The following RBFOX1 variants were observed in gnomAD, a reference collection of about 807,000 sequenced individuals.
RBFOX1 encodes RNA binding fox-1 homolog 1, also known as RNA binding protein fox-1 homolog 1.
Under a neutral mutation model 57.7 loss-of-function variants are expected in RBFOX1, and 8 were observed. That is an observed-to-expected ratio of 0.14 (90% CI 0.08 to 0.25). RBFOX1 has a LOEUF of 0.25. RBFOX1 is among the 10% of genes least tolerant of loss of function. RBFOX1 has a pLI of 1.00. For missense variants in RBFOX1, 611 were observed against 548.5 expected (o/e 1.11, Z -1.14); for synonymous variants, 326 against 222.4 (o/e 1.47, Z -4.15).
intron 1 of RBFOX1, among the ~76,000 whole-genome samples, chr16:6,078,606 C>G (rs2095948173): frequency 6.6e-6 from 1 of 152,310 alleles, no homozygotes; most frequent in East Asian, 1.9e-4. Context: ...TCATTGGCTT[C>G]TCCTTTAGAT....
intron 4 of RBFOX1, among the ~76,000 whole-genome samples, chr16:5,992,308 G>C (rs895598513): frequency 6.6e-6 from 1 of 152,178 alleles, no homozygotes; most frequent in Non-Finnish European, 1.5e-5. Context: ...GGGAAAAAAA[G>C]GTTAACATTG....
At chr16:6,380,541 G>A (rs969882115) in intron 2 of RBFOX1, among the ~76,000 whole-genome samples, 2 of 150,612 alleles carry the variant, frequency 1.3e-5, no homozygotes, top group Admixed American at 1.3e-4. Context: ...TTGAAGTTCT[G>A]GGGGGAAAAT....
chr16:6,888,136 A>G (rs1473926376), intron 3 of RBFOX1, among the ~76,000 whole-genome samples: 1 of 152,150 alleles, frequency 6.6e-6, no homozygotes, highest in Non-Finnish European at 1.5e-5. Flanking sequence ...GACAGGTTTT[A>G]TTTAGGATTT....
At chr16:6,483,120 C>A (rs935350048) in intron 2 of RBFOX1, 2 of 1,037,218 alleles carry the variant, frequency 1.9e-6, no homozygotes, top group African/African-American at 3.4e-5. Context: ...CCCCAGTATC[C>A]ACTGCCTTCC....
At chr16:5,907,178 G>A (rs2058479680) in intron 4 of RBFOX1, among the ~76,000 whole-genome samples, 1 of 152,124 alleles carries the variant, frequency 6.6e-6, no homozygotes, top group African/African-American at 2.4e-5. Flanking sequence ...GACCTGCTGT[G>A]GCTTCAGGGC....
intron 3 of RBFOX1, among the ~76,000 whole-genome samples, chr16:6,768,155 A>G (rs927844172): frequency 6.6e-6 from 1 of 151,498 alleles, no homozygotes; most frequent in Non-Finnish European, 1.5e-5. Flanking sequence ...AGAGATTGTA[A>G]CACTGCACTT....
chr16:6,011,497 T>G (rs367950640), intron 4 of RBFOX1, among the ~76,000 whole-genome samples: 2 of 152,202 alleles, frequency 1.3e-5, no homozygotes, highest in East Asian at 1.9e-4. Context: ...TTTACTTATT[T>G]TCCTCTGAGC....
At chr16:7,032,561 C>G (rs532323838) in intron 3 of RBFOX1, among the ~76,000 whole-genome samples, 2 of 149,876 alleles carry the variant, frequency 1.3e-5, no homozygotes, top group African/African-American at 2.4e-5. Flanking sequence ...GTGGGAACAT[C>G]TCCCCATCTA....
At chr16:5,975,610 A>G (rs563232865) in intron 4 of RBFOX1, among the ~76,000 whole-genome samples, 1 of 152,298 alleles carries the variant, frequency 6.6e-6, no homozygotes, top group South Asian at 2.1e-4. Flanking sequence ...CTGTGTCCAG[A>G]AAGTTACTTT....
rs567394250 is a variant in RBFOX1 at position 5,941,289 on chromosome 16, A to C, written c.351+73954A>C. 1.3e-4 allele frequency among the ~76,000 whole-genome samples: 20 copies of C among 152,240 alleles called. No individual in the cohort carries two copies. The South Asian group carries it at 4.1e-3, about 32-fold the overall frequency. On this transcript the variant is annotated intron_variant, in intron 4 of 19. Transcript: ENST00000641259. Reference sequence around the variant, plus strand: ...AGGATGGATTGAGGCCAGGAGTTCAAGACCAGCCTGGGCAACGTAGTGAGA... The same window carrying C: ...AGGATGGATTGAGGCCAGGAGTTCACGACCAGCCTGGGCAACGTAGTGAGA...
chr16:6,763,753 C>G (rs560443972), intron 3 of RBFOX1, among the ~76,000 whole-genome samples: 1 of 152,202 alleles, frequency 6.6e-6, no homozygotes, highest in South Asian at 2.1e-4. Context: ...AACCACTGGA[C>G]GGATTCCACA....
chr16:5,888,072 T>C (rs558941034), intron 4 of RBFOX1, among the ~76,000 whole-genome samples: 2 of 152,186 alleles, frequency 1.3e-5, no homozygotes, highest in Non-Finnish European at 2.9e-5. Flanking sequence ...TCCTGCAAGA[T>C]TGTGTTCCTG....
chr16:7,216,134 A>G (rs2091997825), intron 4 of RBFOX1, among the ~76,000 whole-genome samples: 1 of 152,202 alleles, frequency 6.6e-6, no homozygotes, highest in Admixed American at 6.5e-5. Context: ...GTTGCCAGAC[A>G]ACATACTGTT....
At position 7,215,725 on chromosome 16, in the gene RBFOX1, A is replaced by ATTTTTT. The variant is rs56108914; in HGVS notation, c.27+163639_27+163644dup. 5.3e-3 allele frequency among the ~76,000 whole-genome samples: 706 copies of ATTTTTT among 133,304 alleles called. 13 individuals are homozygous for ATTTTTT. The highest frequency in any genetic ancestry group is 0.017 in the African/African-American group (579 of 34,564). The allele number at this position is 133,304 out of a possible 152,430, so 87.5% of individuals were successfully genotyped here. A position where few individuals can be genotyped will look rare whatever the true frequency, so the allele number is the denominator to read the frequency against. On this transcript the variant is annotated intron_variant, in intron 4 of 15. Coordinates refer to ENST00000550418, the MANE Select transcript of RBFOX1 (RefSeq NM_018723.4). ...ATCTCTAAGAATTGGCCTATTCTGGATTTTTTTTTTTTTTTTTGAGACGGA... is the reference window on the plus strand; with the variant it reads ...ATCTCTAAGAATTGGCCTATTCTGGATTTTTTTTTTTTTTTTTTTTTTTGAGACGGA...
intron 2 of RBFOX1, among the ~76,000 whole-genome samples, chr16:6,498,097 T>TA (rs886367394): frequency 8.6e-5 from 13 of 151,422 alleles, no homozygotes; most frequent in African/African-American, 2.9e-4. Flanking sequence ...TAAAATGTTA[T>TA]AAAAAATAGC....
chr16:5,617,352 T>C (rs995678832), intron 3 of RBFOX1, among the ~76,000 whole-genome samples: 2 of 152,338 alleles, frequency 1.3e-5, no homozygotes, highest in South Asian at 4.1e-4. Context: ...TCCTGAGGTC[T>C]TCACGAGTTT....
intron 3 of RBFOX1, among the ~76,000 whole-genome samples, chr16:6,853,229 A>G (rs1325717599): frequency 6.6e-6 from 1 of 152,116 alleles, no homozygotes; most frequent in Admixed American, 6.5e-5. Flanking sequence ...AGCATTAATG[A>G]TAGTATGTAT....
At chr16:5,520,107 C>T (rs1250009565) in intron 2 of RBFOX1, among the ~76,000 whole-genome samples, 1 of 152,148 alleles carries the variant, frequency 6.6e-6, no homozygotes, top group Non-Finnish European at 1.5e-5. Context: ...GTGGGAGCAT[C>T]ATTCCAGGGA....
At chr16:6,972,244 C>T (rs2085734840) in intron 3 of RBFOX1, among the ~76,000 whole-genome samples, 1 of 152,064 alleles carries the variant, frequency 6.6e-6, no homozygotes, top group African/African-American at 2.4e-5. Flanking sequence ...AACTCTGTAA[C>T]TCCCCTTTCT....
Sources: gnomAD v4.1 joint callset for allele counts (sites outside exome capture counted in the v4.1 genomes callset) on GRCh38, gnomAD v4.1.1 for gene constraint, MANE v1.5 for transcripts, NCBI Gene and HGNC (gene_info 2026-07-23, HGNC 2026-07-21) for gene names.